The following FANCI variants were observed in gnomAD, a reference collection of about 807,000 sequenced individuals.
FANCI encodes the protein Fanconi anemia group I protein.
Under a neutral mutation model 176.1 loss-of-function variants are expected in FANCI, and 156 were observed. The ratio of observed to expected loss-of-function variants is 0.89; its 90% confidence interval spans 0.78 to 1.01. The LOEUF is 1.01. FANCI is among the 50% of genes least tolerant of loss of function. The pLI is 0.00. For synonymous variants in FANCI, 613 were observed against 541.7 expected, an observed-to-expected ratio of 1.13 and a Z score of -1.83; for missense variants, 1,678 against 1,534.1, an observed-to-expected ratio of 1.09 and a Z score of -1.57.
chr15:89,267,770 T>C (rs1221489083), intron 9 of FANCI, among the ~76,000 whole-genome samples: 1 of 151,720 alleles, frequency 6.6e-6, no homozygotes, highest in Non-Finnish European at 1.5e-5. Context: ...TACCAAAAAA[T>C]AGAAAAATTA....
chr15:89,264,581 G>C lies in FANCI; in HGVS notation c.729G>C (p.Gln243His), dbSNP rs1336805719. ...IIAFFSALDK[Q>H]HNEEQSGDEL... ...CCTTCTTCAGTGCACTAGATAAGCA[G>C]CACAATGAGGAACAGAGTGGTGACG... Residue 243 changes from glutamine (Q) to histidine (H), a missense_variant, in exon 9 of 38, where the codon CAG (glutamine) becomes CAC (histidine). Coordinates refer to ENST00000310775, the MANE Select transcript of FANCI (RefSeq NM_001113378.2). 6.2e-7 allele frequency: 1 copy of C among 1,613,480 alleles called. No homozygotes were observed. Among genetic ancestry groups the C allele is most frequent in the Non-Finnish European group, 8.5e-7 (1 of 1,179,706 alleles).
At chr15:89,283,005 A>G (rs1399417623) in intron 16 of FANCI, 131 bp from the exon 17 acceptor site, 2 of 873,034 alleles carry the variant, frequency 2.3e-6, no homozygotes, top group Admixed American at 2.0e-5. Context: ...ACATAAATTC[A>G]CTTTGTTTTG....
In FANCI at chr15:89,283,227, A is replaced by C. The variant is rs775789044; in HGVS notation, c.1675A>C (p.Ser559Arg). 21 of 1,613,966 alleles carry C rather than the reference A, an allele frequency of 1.3e-5. No homozygotes were observed. Among genetic ancestry groups the C allele is most frequent in the Non-Finnish European group, 1.7e-5 (20 of 1,179,826 alleles). The part of the protein sequence containing the change: ...VLGSLSSSQC[S>R]QSLSVSQVHV... ...AGGCAGCCTGTCATCCTCTCAGTGC[A>C]GTCAGTCTCTCAGTGTCAGTCAGGT... The change falls in exon 17 of 38, where the codon AGT (serine) becomes CGT (arginine). Residue 559 changes from serine to arginine, a missense_variant. Ser to Arg is a moderately radical substitution (Grantham distance 110, BLOSUM62 -1). Coordinates refer to ENST00000310775, the MANE Select transcript of FANCI (RefSeq NM_001113378.2).
intron 35 of FANCI, 38 bp from the exon 36 acceptor site, chr15:89,314,574 T>C (rs755399700): frequency 8.4e-5 from 127 of 1,503,936 alleles, no homozygotes; most frequent in Non-Finnish European, 1.1e-4. Flanking sequence ...CAAAAACCAT[T>C]GAACCTGAAA....
chr15:89,267,861 AG>A (rs1460701159), intron 9 of FANCI, among the ~76,000 whole-genome samples: 1 of 152,164 alleles, frequency 6.6e-6, no homozygotes, highest in Admixed American at 6.5e-5. Flanking sequence ...TGGGAGGTTG[AG>A]GCCACAGTGA....
At chr15:89,309,457 T>A (rs185458173) in intron 34 of FANCI, among the ~76,000 whole-genome samples, 146 of 152,284 alleles carry the variant, frequency 9.6e-4, no homozygotes, top group South Asian at 4.8e-3. Context: ...ATTTGCATAT[T>A]AAAGGTGCTG....
chr15:89,298,968 C>G (rs2054421307), intron 24 of FANCI, among the ~76,000 whole-genome samples: 1 of 151,996 alleles, frequency 6.6e-6, no homozygotes, highest in South Asian at 2.1e-4. Context: ...GTCAGCAGTT[C>G]AAGACCAGTC....
At chr15:89,302,890 AT>A (rs779965255) in intron 27 of FANCI, among the ~76,000 whole-genome samples, 16 of 152,252 alleles carry the variant, frequency 1.1e-4, no homozygotes, top group Non-Finnish European at 2.1e-4. Context: ...TTTAATTTTA[AT>A]TTTGAATGGG....
At chr15:89,247,597 C>G in intron 1 of FANCI, 32 bp from the exon 2 acceptor site, 1 of 1,467,264 alleles carries the variant, frequency 6.8e-7, no homozygotes, top group Non-Finnish European at 9.6e-7. Context: ...TTTCTGGAAT[C>G]TTCACCCACC....
At chr15:89,250,085 T>C (rs748873784) in intron 2 of FANCI, among the ~76,000 whole-genome samples, 2 of 152,218 alleles carry the variant, frequency 1.3e-5, no homozygotes, top group Admixed American at 6.5e-5. Context: ...AAGACACTTT[T>C]ACTTGGAAAT....
intron 9 of FANCI, among the ~76,000 whole-genome samples, chr15:89,266,761 C>G (rs1488635827): frequency 6.6e-6 from 1 of 152,186 alleles, no homozygotes; most frequent in East Asian, 1.9e-4. Flanking sequence ...GAGCAAGCTG[C>G]CACACCCAGC....
chr15:89,251,318 G>A (rs911138481), intron 2 of FANCI, among the ~76,000 whole-genome samples: 4 of 152,164 alleles, frequency 2.6e-5, no homozygotes, highest in Admixed American at 6.5e-5. Context: ...AGTTATGAAG[G>A]AACTACTTCG....
intron 10 of FANCI, among the ~76,000 whole-genome samples, chr15:89,270,724 T>C (rs534230281): frequency 3.9e-4 from 60 of 152,340 alleles, no homozygotes; most frequent in African/African-American, 1.4e-3. Flanking sequence ...ATTATTTGTT[T>C]TGAGCACAAA....
At chr15:89,277,029 G>T (rs2053435037) in intron 13 of FANCI, 138 bp downstream of exon 13, 4 of 840,320 alleles carry the variant, frequency 4.8e-6, no homozygotes. Flanking sequence ...CAGAGATTAG[G>T]ATAATATTGA....
chr15:89,265,196 G>GT lies in FANCI; in HGVS notation c.755+597dup, dbSNP rs1159655411. Among the ~76,000 whole-genome samples the GT allele has an allele frequency of 1.7e-4, 26 of 151,780 alleles. No individual in the cohort carries two copies. In the South Asian group the frequency reaches 3.1e-3, roughly 18 times the overall value. On this transcript the variant is annotated intron_variant, in intron 9 of 37. Coordinates refer to ENST00000310775, the MANE Select transcript of FANCI (RefSeq NM_001113378.2). Reference sequence around the variant, plus strand: ...ACATGTCTGAGAAAGAGGATTTTGGGTTTTTTTTGTTTCATTTTGTTTTGT... The same window carrying GT: ...ACATGTCTGAGAAAGAGGATTTTGGGTTTTTTTTTGTTTCATTTTGTTTTGT...
intron 34 of FANCI, among the ~76,000 whole-genome samples, chr15:89,312,199 C>A (rs2054991036): frequency 6.6e-6 from 1 of 152,188 alleles, no homozygotes. Flanking sequence ...TCAGCTTCCT[C>A]TCCTTTATGG....
At chr15:89,316,330 T>C in intron 37 of FANCI, 67 bp from the exon 38 acceptor site, 1 of 1,488,710 alleles carries the variant, frequency 6.7e-7, no homozygotes. Context: ...TTTTTTTTCC[T>C]TCTTTTTATT....
chr15:89,283,536 T>C (rs914816492), intron 17 of FANCI, among the ~76,000 whole-genome samples: 1 of 152,166 alleles, frequency 6.6e-6, no homozygotes, highest in Non-Finnish European at 1.5e-5. Flanking sequence ...GTCCACATTG[T>C]GTTGTGCTAT....
intron 30 of FANCI, 38 bp downstream of exon 30, chr15:89,305,447 C>A: frequency 6.2e-7 from 1 of 1,612,244 alleles, no homozygotes; most frequent in South Asian, 1.1e-5. Flanking sequence ...ATAGCTTTGT[C>A]ATTCTTTCCA....
Sources: gnomAD v4.1 joint callset for allele counts (sites outside exome capture counted in the v4.1 genomes callset) on GRCh38, gnomAD v4.1.1 for gene constraint, MANE v1.5 for transcripts, NCBI Gene and HGNC (gene_info 2026-07-23, HGNC 2026-07-21) for gene names.